NOTCH2NLB: variants seen among roughly 807,000 people sequenced by gnomAD.
The protein encoded by NOTCH2NLB is notch 2 N-terminal like B, also known as notch homolog 2 N-terminal-like protein B.
In NOTCH2NLB, 1 loss-of-function variant was observed where a neutral mutation model predicts 14.8. The observed-to-expected ratio is 0.07, with a 90% CI of 0.02 to 0.32. The LOEUF is 0.32. Among genes scored for constraint, NOTCH2NLB ranks in the 10% least tolerant of loss-of-function variants. The pLI, the probability that NOTCH2NLB is intolerant of heterozygous loss-of-function variation, is 1.00. For synonymous variants in NOTCH2NLB, 6 were observed against 57.5 expected, an observed-to-expected ratio of 0.10 and a Z score of 4.05; for missense variants, 11 against 155.0, an observed-to-expected ratio of 0.07 and a Z score of 4.93.
intron 1 of NOTCH2NLB, among the ~76,000 whole-genome samples, chr1:148,670,406 T>C (rs1664733887): frequency 6.9e-6 from 1 of 145,586 alleles, no homozygotes; most frequent in Non-Finnish European, 1.5e-5. Flanking sequence ...TAATGAGGCA[T>C]ATTAAGATTA....
chr1:148,692,176 T>C, the NOTCH2NLB span, among the ~76,000 whole-genome samples: 1 of 2,114 alleles, frequency 4.7e-4, no homozygotes. Context: ...CCCAGCTAAT[T>C]TTTCTATGTT....
At chr1:148,670,533 A>ATATAT (rs1664743280) in intron 1 of NOTCH2NLB, among the ~76,000 whole-genome samples, 3 of 22,070 alleles carry the variant, frequency 1.4e-4, no homozygotes, top group African/African-American at 5.1e-4. Flanking sequence ...ATAAACTAAA[A>ATATAT]AAAAAAATAT....
chr1:148,622,423 C>G (rs1374965530), intron 2 of NOTCH2NLB, among the ~76,000 whole-genome samples: 1 of 87,316 alleles, frequency 1.1e-5, no homozygotes, highest in African/African-American at 5.8e-5. Flanking sequence ...GATTCAAACC[C>G]AAGTAGACTC....
At chr1:148,610,109 G>A (rs1663637680) in intron 3 of NOTCH2NLB, among the ~76,000 whole-genome samples, 1 of 141,366 alleles carries the variant, frequency 7.1e-6, no homozygotes, top group Non-Finnish European at 1.5e-5. Flanking sequence ...CCAACATGGT[G>A]AAACGCCATC....
the NOTCH2NLB span, among the ~76,000 whole-genome samples, chr1:148,703,140 A>T: frequency 2.5e-5 from 1 of 40,460 alleles, no homozygotes; most frequent in African/African-American, 8.3e-5. Flanking sequence ...AATACAAAAA[A>T]TTAGCCGGGC....
At position 148,626,263 on chromosome 1, in the gene NOTCH2NLB, C is replaced by G. The variant is rs1318543210; in HGVS notation, c.78-10313G>C. Among the ~76,000 whole-genome samples, 26 of 108,938 alleles carry G rather than the reference C, an allele frequency of 2.4e-4. 1 individual carries two copies. In the East Asian group the frequency reaches 9.1e-3, roughly 38 times the overall value. The allele number at this position is 108,938 out of a possible 152,430, so 71.5% of individuals were successfully genotyped here. ...AAAGAGAAGAAGCTCTGTCATACTA[C>G]TTCTTGCCATTCCCACTCTACTCTC... On this transcript the variant is annotated intron_variant, in intron 2 of 4. Transcript: ENST00000593495.
At chr1:148,651,162 A>AAAAAT (rs1553341433) in intron 1 of NOTCH2NLB, among the ~76,000 whole-genome samples, 7 of 46,020 alleles carry the variant, frequency 1.5e-4, no homozygotes, top group Admixed American at 2.7e-4. Flanking sequence ...AAAAAAAAAA[A>AAAAAT]ATATATATAT....
intron 1 of NOTCH2NLB, among the ~76,000 whole-genome samples, chr1:148,670,517 C>A (rs2149632428): frequency 2.8e-5 from 3 of 106,252 alleles, no homozygotes; most frequent in Admixed American, 9.4e-5. Flanking sequence ...ATATGTAGAT[C>A]TGTTCATAAA....
chr1:148,601,079 A>T, the NOTCH2NLB span, among the ~76,000 whole-genome samples: 1 of 149,990 alleles, frequency 6.7e-6, no homozygotes, highest in African/African-American at 2.5e-5. Context: ...GCATGTTTCC[A>T]TTTGTATGAA....
At chr1:148,673,776 G>A (rs1331904806) in intron 1 of NOTCH2NLB, among the ~76,000 whole-genome samples, 1 of 149,726 alleles carries the variant, frequency 6.7e-6, no homozygotes, top group African/African-American at 2.4e-5. Flanking sequence ...AAAGCAACCT[G>A]TCTCTAATAC....
At chr1:148,625,359 TA>T (rs1262876165) in intron 2 of NOTCH2NLB, among the ~76,000 whole-genome samples, 917 of 90,974 alleles carry the variant, frequency 0.01, 209 homozygotes, top group Middle Eastern at 0.046. Flanking sequence ...TTTTTTTTTT[TA>T]AAACGAGGAT....
At chr1:148,670,540 ATATATATATATAC>A (rs1664750449) in intron 1 of NOTCH2NLB, among the ~76,000 whole-genome samples, 1 of 90,938 alleles carries the variant, frequency 1.1e-5, no homozygotes, top group African/African-American at 3.5e-5. Flanking sequence ...AAAAAAAAAA[ATATATATATATAC>A]ATATATATAT....
At chr1:148,655,567 T>TAAA (rs1196142501) in intron 1 of NOTCH2NLB, among the ~76,000 whole-genome samples, 15 of 886 alleles carry the variant, frequency 0.017, no homozygotes, top group Middle Eastern at 0.12. Flanking sequence ...GGAAAGACTT[T>TAAA]AAAAAAAAAA....
intron 1 of NOTCH2NLB, among the ~76,000 whole-genome samples, chr1:148,658,527 G>T: frequency 1.2e-5 from 1 of 84,952 alleles, no homozygotes; most frequent in African/African-American, 4.5e-5. Flanking sequence ...ATGTGGCTTT[G>T]CAATTAGACA....
chr1:148,683,414 CTT>C (rs1243643542), upstream of NOTCH2NLB, among the ~76,000 whole-genome samples: 858 of 76,938 alleles, frequency 0.011, 260 homozygotes, highest in Non-Finnish European at 0.018. Context: ...TGAGATAGAG[CTT>C]TAAGTATCTT....
intron 1 of NOTCH2NLB, among the ~76,000 whole-genome samples, chr1:148,651,168 T>TATATATAC (rs1664503198): frequency 1.6e-5 from 1 of 63,656 alleles, no homozygotes; most frequent in African/African-American, 4.7e-5. Context: ...AAAAAATATA[T>TATATATAC]ATATATATAT....
upstream of NOTCH2NLB, among the ~76,000 whole-genome samples, chr1:148,680,025 A>G (rs1664910075): frequency 2.4e-5 from 1 of 42,140 alleles, no homozygotes; most frequent in African/African-American, 7.3e-5. Context: ...CCAGTGCAGA[A>G]GGGGCGTGGG....
intron 2 of NOTCH2NLB, among the ~76,000 whole-genome samples, chr1:148,631,037 T>C (rs1189769671): frequency 2.3e-5 from 3 of 132,192 alleles, no homozygotes; most frequent in Admixed American, 1.5e-4. Flanking sequence ...GTGAGGATTC[T>C]ATAGTGCTTC....
intron 2 of NOTCH2NLB, among the ~76,000 whole-genome samples, chr1:148,637,150 G>A (rs1407073767): frequency 7.1e-6 from 1 of 141,508 alleles, no homozygotes; most frequent in Non-Finnish European, 1.5e-5. Flanking sequence ...CTCACTGCAA[G>A]CTCTGCCTCC....
Sources: allele counts gnomAD v4.1 joint callset (sites outside exome capture counted in the v4.1 genomes callset), GRCh38; gene constraint gnomAD v4.1.1; transcripts MANE v1.5; gene names NCBI Gene and HGNC (gene_info 2026-07-23, HGNC 2026-07-21).